KRT86: variants seen among roughly 807,000 people sequenced by gnomAD.
KRT86 encodes the protein keratin, type II cuticular Hb6.
Under a neutral mutation model 41.2 loss-of-function variants are expected in KRT86, and 30 were observed. The observed-to-expected ratio is 0.73, with a 90% CI of 0.54 to 0.99. The LOEUF (loss-of-function observed/expected upper bound fraction) is 0.99. Ranked by LOEUF, KRT86 falls within the 50% of genes least tolerant of loss-of-function variation. The pLI is 0.00. For synonymous variants in KRT86, 238 were observed against 238.1 expected, an observed-to-expected ratio of 1.00 and a Z score of 0.00; for missense variants, 561 against 571.4, an observed-to-expected ratio of 0.98 and a Z score of 0.19.
intron 2 of KRT86, among the ~76,000 whole-genome samples, chr12:52,283,539 C>A (rs1239950227): frequency 7.5e-6 from 1 of 134,028 alleles, no homozygotes; most frequent in Non-Finnish European, 1.5e-5. Flanking sequence ...AATGCAATGG[C>A]GCCATCTTGG....
At chr12:52,285,255 T>G (rs1348436427) in intron 2 of KRT86, among the ~76,000 whole-genome samples, 5 of 151,922 alleles carry the variant, frequency 3.3e-5, no homozygotes, top group Non-Finnish European at 4.4e-5. Context: ...CTGGCTGGAG[T>G]CCGTGTCCCC....
At position 52,301,964 on chromosome 12, in the gene KRT86, G is replaced by T; in HGVS notation, c.48G>T (p.Ser16=). 4.3e-6 allele frequency: 7 copies of T among 1,613,624 alleles called. No individual in the cohort carries two copies. The highest frequency in any genetic ancestry group is 5.9e-6 in the Non-Finnish European group (7 of 1,179,778). ...YCGGRAFSCI[S]ACGPRPGRCC... ...GTGGCCGCGCCTTCAGCTGCATCTC[G>T]GCCTGCGGGCCCCGGCCCGGCCGCT... is the stretch of plus-strand genomic sequence containing the variant. Residue 16 remains serine (S), a synonymous_variant, in exon 3 of 11, where the codon TCG becomes TCT. Coordinates refer to ENST00000423955, the MANE Select transcript of KRT86 (RefSeq NM_001320198.2).
intron 2 of KRT86, among the ~76,000 whole-genome samples, chr12:52,300,678 C>T (rs1165061073): frequency 6.6e-6 from 1 of 152,248 alleles, no homozygotes; most frequent in Admixed American, 6.5e-5. Flanking sequence ...AGGGTACTGA[C>T]AAACTTCTGT....
intron 2 of KRT86, among the ~76,000 whole-genome samples, chr12:52,281,370 C>T (rs556831994): frequency 1.6e-4 from 24 of 152,330 alleles, no homozygotes; most frequent in Non-Finnish European, 3.5e-4. Context: ...ATCTGAGCCC[C>T]AGGAGGGCAG....
chr12:52,286,778 C>T (rs1433503517), intron 2 of KRT86: 12 of 1,613,492 alleles, frequency 7.4e-6, no homozygotes, highest in South Asian at 2.2e-5. Context: ...CACACTGGAC[C>T]CCAAATACTC....
intron 2 of KRT86, chr12:52,287,101 C>T (rs368237680): frequency 5.6e-6 from 9 of 1,612,880 alleles, no homozygotes; most frequent in East Asian, 2.2e-5. Flanking sequence ...GTTGGACCCA[C>T]CTCTGCTCCT....
At chr12:52,292,558 T>A (rs1357693567) in intron 2 of KRT86, among the ~76,000 whole-genome samples, 3 of 152,246 alleles carry the variant, frequency 2.0e-5, no homozygotes, top group Non-Finnish European at 4.4e-5. Context: ...CTAAATAAGT[T>A]AAAAATCTAG....
intron 2 of KRT86, among the ~76,000 whole-genome samples, chr12:52,298,993 A>G (rs1280260039): frequency 2.6e-5 from 4 of 152,134 alleles, no homozygotes; most frequent in Non-Finnish European, 5.9e-5. Context: ...ATTTTGAAAT[A>G]CACAATAAAT....
intron 2 of KRT86, among the ~76,000 whole-genome samples, chr12:52,298,107 C>A (rs1938289581): frequency 6.6e-6 from 1 of 152,236 alleles, no homozygotes; most frequent in South Asian, 2.1e-4. Flanking sequence ...CCAAGCCTCT[C>A]TTCTCATCCA....
chr12:52,286,754 T>A, intron 2 of KRT86: 1 of 1,603,554 alleles, frequency 6.2e-7, no homozygotes, highest in Non-Finnish European at 8.5e-7. Flanking sequence ...TCACAGGTAG[T>A]TAGTAAATCT....
intron 2 of KRT86, among the ~76,000 whole-genome samples, chr12:52,280,967 C>A (rs551832007): frequency 1.3e-5 from 2 of 152,156 alleles, no homozygotes; most frequent in African/African-American, 4.8e-5. Flanking sequence ...TTTCAAATAC[C>A]GAACCTGGAC....
At position 52,305,716 on chromosome 12, in the gene KRT86, C is replaced by A. The variant is rs1430211270; in HGVS notation, c.954C>A (p.Thr318=). 33 of 1,613,936 alleles carry A rather than the reference C, an allele frequency of 2.0e-5. No individual in the cohort carries two copies. The highest frequency in any genetic ancestry group is 2.6e-5 in the Non-Finnish European group (31 of 1,179,938). Residue 318 remains threonine, a synonymous_variant, in exon 8 of 11, where the codon ACC becomes ACA. Transcript: ENST00000423955. ...GGCACGGGGAGACCCTGCGCCGCAC[C>A]AAGGAGGAGATCAACGAGCTGAACC... is the stretch of plus-strand genomic sequence containing the variant. ...VIRHGETLRR[T]KEEINELNRM... is the part of the protein sequence containing the mutation.
intron 7 of KRT86, 123 bp downstream of exon 7, chr12:52,305,527 T>C (rs1938490025): frequency 4.4e-6 from 7 of 1,598,180 alleles, no homozygotes. Flanking sequence ...GCCACTCTGA[T>C]GTTGGGGTGG....
chr12:52,286,357 G>A (rs1373284277), intron 2 of KRT86: 3 of 1,554,950 alleles, frequency 1.9e-6, no homozygotes, highest in South Asian at 2.4e-5. Context: ...TGTTCAATTG[G>A]CCGCAGGGCG....
chr12:52,288,266 G>T, intron 2 of KRT86: 1 of 1,601,938 alleles, frequency 6.2e-7, no homozygotes, highest in Non-Finnish European at 8.5e-7. Flanking sequence ...CAGCCTCAGG[G>T]ACTGCAACCT....
intron 2 of KRT86, among the ~76,000 whole-genome samples, chr12:52,283,164 G>A (rs1047261063): frequency 6.6e-6 from 1 of 152,054 alleles, no homozygotes; most frequent in Non-Finnish European, 1.5e-5. Context: ...GGGAGGCTGA[G>A]GTGGGTGGAT....
chr12:52,302,158 T>C lies in KRT86; in HGVS notation c.242T>C (p.Val81Ala). 3 of 1,489,442 alleles carry C rather than the reference T, an allele frequency of 2.0e-6. No individual in the cohort carries two copies. Among genetic ancestry groups the C allele is most frequent in the Non-Finnish European group, 2.7e-6 (3 of 1,103,864 alleles). The allele number at this position is 1,489,442 out of a possible 1,614,324, so 92.3% of individuals were successfully genotyped here. The stretch of plus-strand genomic sequence containing the variant: ...CCCAGTCCCCCATGCATCACCACCG[T>C]GTCGGTCAACGAGAGCCTCCTCACG... ...CGPSPPCITTVSVNESLLTPL... is the reference protein window; with the variant it reads ...CGPSPPCITTASVNESLLTPL... Residue 81 changes from valine (V) to alanine (A), a missense_variant, in exon 3 of 11, where the codon GTG (valine) becomes GCG (alanine). Coordinates refer to ENST00000423955, the MANE Select transcript of KRT86 (RefSeq NM_001320198.2).
rs1024497286 is a variant in KRT86 at position 52,305,493 on chromosome 12, C to T, written c.900+89C>T. 20 of 1,607,690 alleles carry T rather than the reference C, an allele frequency of 1.2e-5. No individual in the cohort carries two copies. The East Asian group carries it at 3.3e-4, about 27-fold the overall frequency. On this transcript the variant is annotated intron_variant, in intron 7 of 10. Coordinates refer to ENST00000423955, the MANE Select transcript of KRT86 (RefSeq NM_001320198.2). Reference sequence around the variant, plus strand: ...AAATAGGCTTCCTTTTCTGGGGATGCACTAGGGATGAGAAGAGATGGCTGC... The same window carrying T: ...AAATAGGCTTCCTTTTCTGGGGATGTACTAGGGATGAGAAGAGATGGCTGC...
rs4761856 is a variant in KRT86 at position 52,287,272 on chromosome 12, C to T, written c.-5+11326C>T. On this transcript the variant is annotated intron_variant, in intron 2 of 10. Coordinates refer to ENST00000423955, the MANE Select transcript of KRT86 (RefSeq NM_001320198.2). Reference sequence around the variant, plus strand: ...GCTTGCAGCGGGCATCACTGAGGGCCGCCTCACCCTGCTGCTCAGACTGGG... The same window carrying T: ...GCTTGCAGCGGGCATCACTGAGGGCTGCCTCACCCTGCTGCTCAGACTGGG... 511,326 of 1,613,192 alleles carry T rather than the reference C, an allele frequency of 0.32. 82,904 individuals carry two copies. Among genetic ancestry groups the T allele is most frequent in the East Asian group, 0.49 (22,142 of 44,844 alleles).
Sources: gnomAD v4.1 joint callset for allele counts (sites outside exome capture counted in the v4.1 genomes callset) on GRCh38, gnomAD v4.1.1 for gene constraint, MANE v1.5 for transcripts, NCBI Gene and HGNC (gene_info 2026-07-23, HGNC 2026-07-21) for gene names.